FAF1: variants seen among roughly 807,000 people sequenced by gnomAD.
FAF1 encodes the protein Fas associated factor 1, also known as FAS-associated factor 1.
In FAF1, 25 loss-of-function variants were observed where a neutral mutation model predicts 92.5. The ratio of observed to expected loss-of-function variants is 0.27; its 90% CI spans 0.20 to 0.38. The LOEUF is 0.38. Among genes scored for constraint, FAF1 ranks in the 10% least tolerant of loss-of-function variants. The probability of loss-of-function intolerance (pLI) is 1.00; values close to 1 mark genes in which losing one functional copy is unlikely to be tolerated. For synonymous variants in FAF1, 234 were observed against 273.2 expected (o/e 0.86, Z 1.42); for missense variants, 636 against 793.3 (o/e 0.80, Z 2.38).
At chr1:50,912,234 G>A (rs1201508492) in intron 1 of FAF1, among the ~76,000 whole-genome samples, 1 of 152,180 alleles carries the variant, frequency 6.6e-6, no homozygotes, top group African/African-American at 2.4e-5. Context: ...GTGTATTAAA[G>A]TGTTTACGGT....
chr1:50,682,305 G>C (rs1345673252), intron 7 of FAF1, among the ~76,000 whole-genome samples: 7 of 151,852 alleles, frequency 4.6e-5, no homozygotes, highest in African/African-American at 1.7e-4. Flanking sequence ...TTCCAGACAA[G>C]CCTGAGCAAC....
intron 8 of FAF1, among the ~76,000 whole-genome samples, chr1:50,641,649 T>A (rs970058504): frequency 2.0e-5 from 3 of 152,230 alleles, no homozygotes; most frequent in African/African-American, 7.2e-5. Context: ...AAGGAATATG[T>A]ATCCTGCTAT....
chr1:50,648,368 G>C (rs1654693583), intron 8 of FAF1, among the ~76,000 whole-genome samples: 1 of 152,150 alleles, frequency 6.6e-6, no homozygotes, highest in East Asian at 1.9e-4. Context: ...ATGACAGAGT[G>C]GGAGAGTACC....
chr1:50,736,305 C>T (rs969661475), intron 6 of FAF1, among the ~76,000 whole-genome samples: 8 of 152,110 alleles, frequency 5.3e-5, no homozygotes, highest in Non-Finnish European at 1.0e-4. Flanking sequence ...TTCTAAGAAT[C>T]CATCAATTGT....
chr1:50,710,450 TCATTCATTCTTTTTTTCCC>T (rs1040300427), intron 6 of FAF1, among the ~76,000 whole-genome samples: 1 of 152,170 alleles, frequency 6.6e-6, no homozygotes, highest in Non-Finnish European at 1.5e-5. Flanking sequence ...CCTCGACAAG[TCATTCATTCTTTTTTTCCC>T]CATTCATTCT....
At chr1:50,471,184 T>C (rs921045940) in intron 18 of FAF1, 2 of 152,206 alleles carry the variant, frequency 1.3e-5, no homozygotes, top group South Asian at 2.1e-4. Flanking sequence ...ATAGTATCCA[T>C]GTGTTATCGA....
At chr1:50,525,533 A>G (rs926937419) in intron 15 of FAF1, among the ~76,000 whole-genome samples, 1 of 152,160 alleles carries the variant, frequency 6.6e-6, no homozygotes, top group African/African-American at 2.4e-5. Context: ...TTCCTTTCCA[A>G]TCTGTATGCC....
At position 50,836,170 on chromosome 1, in the gene FAF1, G is replaced by GTTTTTTTGTTTTT. The variant is rs1553144965; in HGVS notation, c.114+21758_114+21759insAAAAACAAAAAAA. Among the ~76,000 whole-genome samples the GTTTTTTTGTTTTT allele has an allele frequency of 2.5e-4, 25 of 98,520 alleles. 1 individual carries two copies. Among genetic ancestry groups the GTTTTTTTGTTTTT allele is most frequent in the Non-Finnish European group, 3.8e-4 (19 of 49,738 alleles). 64.6% of individuals were successfully genotyped at this position (98,520 alleles called of 152,430 possible). ...GTGTGTGTTTTTGTTTTTTGTTTCT[G>GTTTTTTTGTTTTT]TTTTTTTTTTTTTTTTTTTAGACAG... On this transcript the variant is annotated intron_variant, in intron 2 of 18. Coordinates refer to ENST00000396153, the MANE Select transcript of FAF1 (RefSeq NM_007051.3).
chr1:50,622,890 A>G lies in FAF1; in HGVS notation c.745-26674T>C, dbSNP rs923253141. Among the ~76,000 whole-genome samples, 13 of 152,214 alleles carry G rather than the reference A, an allele frequency of 8.5e-5. 1 individual carries two copies. Among genetic ancestry groups the G allele is most frequent in the South Asian group, 4.1e-4 (2 of 4,820 alleles). On this transcript the variant is annotated intron_variant, in intron 8 of 18. Coordinates refer to ENST00000396153, the MANE Select transcript of FAF1 (RefSeq NM_007051.3). The stretch of plus-strand genomic sequence containing the variant: ...GTAGGCACAATTGGTCATAAATGAG[A>G]GGTAGCTTGAAGTTTCTTTTAGATT...
chr1:50,747,154 G>C (rs1017168266), intron 4 of FAF1, among the ~76,000 whole-genome samples: 1 of 152,204 alleles, frequency 6.6e-6, no homozygotes, highest in African/African-American at 2.4e-5. Context: ...GGCACTGCCT[G>C]GTGGAGCTGT....
intron 2 of FAF1, among the ~76,000 whole-genome samples, chr1:50,828,271 T>C (rs1203820229): frequency 6.6e-6 from 1 of 151,508 alleles, no homozygotes; most frequent in East Asian, 1.9e-4. Context: ...TTTTTTTTTT[T>C]TTTCTTTCTT....
At chr1:50,806,296 C>T (rs1389776849) in intron 2 of FAF1, among the ~76,000 whole-genome samples, 1 of 152,098 alleles carries the variant, frequency 6.6e-6, no homozygotes, top group Non-Finnish European at 1.5e-5. Context: ...CAAACAAATA[C>T]AAGCTAAAAC....
intron 6 of FAF1, among the ~76,000 whole-genome samples, chr1:50,710,953 A>G (rs1657900040): frequency 7.1e-6 from 1 of 141,064 alleles, no homozygotes; most frequent in Non-Finnish European, 1.5e-5. Flanking sequence ...ACTGTCACCC[A>G]GGCTGGAGTG....
At chr1:50,840,697 T>C (rs1209747632) in intron 2 of FAF1, among the ~76,000 whole-genome samples, 2 of 152,056 alleles carry the variant, frequency 1.3e-5, no homozygotes, top group East Asian at 1.9e-4. Context: ...TATAAATTGG[T>C]ATACTTCTCA....
chr1:50,861,830 C>T (rs1338982131), intron 1 of FAF1, among the ~76,000 whole-genome samples: 2 of 151,762 alleles, frequency 1.3e-5, no homozygotes, highest in African/African-American at 2.4e-5. Context: ...TCCCTCACCA[C>T]CCCATCAGGT....
chr1:50,924,900 T>C (rs1159970017), intron 1 of FAF1, among the ~76,000 whole-genome samples: 4 of 152,184 alleles, frequency 2.6e-5, no homozygotes, highest in Admixed American at 2.6e-4. Context: ...GGTGAATTAC[T>C]TGAACCCAGG....
intron 1 of FAF1, among the ~76,000 whole-genome samples, chr1:50,944,924 G>A (rs1484922729): frequency 2.6e-5 from 4 of 152,164 alleles, no homozygotes; most frequent in Non-Finnish European, 5.9e-5. Flanking sequence ...TTACTCAGGA[G>A]TGATCAAGAC....
intron 18 of FAF1, among the ~76,000 whole-genome samples, chr1:50,463,027 C>T (rs900222895): frequency 6.6e-6 from 1 of 152,114 alleles, no homozygotes; most frequent in African/African-American, 2.4e-5. Context: ...ACCATTATTC[C>T]CAGAACTGAT....
Position 50,474,547 on chromosome 1 carries a change from C to T in FAF1, c.1869+917G>A, listed in dbSNP as rs545252062. ...TAGTTTATCTTAGTGCAGAGTTAAA[C>T]AGGACCATTAAGTTAATCTCTGGTT... On this transcript the variant is annotated intron_variant, in intron 18 of 18. Coordinates refer to ENST00000396153, the MANE Select transcript of FAF1 (RefSeq NM_007051.3). Among the ~76,000 whole-genome samples the T allele has an allele frequency of 2.0e-5, 3 of 152,186 alleles. No homozygotes were observed. The South Asian group carries it at 6.2e-4, about 32-fold the overall frequency.
Sources: gnomAD v4.1 joint callset for allele counts (sites outside exome capture counted in the v4.1 genomes callset) on GRCh38, gnomAD v4.1.1 for gene constraint, MANE v1.5 for transcripts, NCBI Gene and HGNC (gene_info 2026-07-23, HGNC 2026-07-21) for gene names.